The following NLK variants were observed in gnomAD, a reference collection of about 807,000 sequenced individuals.
The protein encoded by NLK is nemo like kinase.
NLK carries 11 observed loss-of-function variants against 59.0 expected under a neutral mutation model. That is an observed-to-expected ratio of 0.19 (90% CI 0.12 to 0.31). The LOEUF is 0.31. Among genes scored for constraint, NLK ranks in the 10% least tolerant of loss-of-function variants. The probability of loss-of-function intolerance (pLI) is 1.00; values close to 1 mark genes in which losing one functional copy is unlikely to be tolerated. For synonymous variants in NLK, 235 were observed against 235.9 expected, an observed-to-expected ratio of 1.00 and a Z score of 0.03; for missense variants, 410 against 661.1, an observed-to-expected ratio of 0.62 and a Z score of 4.16.
intron 1 of NLK, among the ~76,000 whole-genome samples, chr17:28,087,134 A>G (rs1336346792): frequency 6.6e-6 from 1 of 152,064 alleles, no homozygotes; most frequent in Non-Finnish European, 1.5e-5. Context: ...TTGCTGTTAG[A>G]TGGACAAAAT....
rs541686602 is a variant in NLK, at chr17:28,188,330, T to A, written c.1237-2691T>A. 6.8e-4 allele frequency among the ~76,000 whole-genome samples: 104 copies of A among 152,372 alleles called. 2 individuals are homozygous for A. The highest frequency in any genetic ancestry group is 7.3e-5 in the Non-Finnish European group (5 of 68,034). On this transcript the variant is annotated intron_variant, in intron 8 of 10. Coordinates refer to ENST00000407008, the MANE Select transcript of NLK (RefSeq NM_016231.5). ...CTTTGTTACAGAACTATTTTTAAAT[T>A]AGCCTGATGCTTTATTAGCTTTTGA...
intron 7 of NLK, among the ~76,000 whole-genome samples, chr17:28,174,248 G>A (rs944735548): frequency 2.6e-5 from 4 of 152,214 alleles, no homozygotes; most frequent in Non-Finnish European, 4.4e-5. Flanking sequence ...AAAAGAAGAG[G>A]AAAGGAAAAT....
In NLK at chr17:28,196,068, T is replaced by C. The variant is rs1909475159; in HGVS notation, c.*1432T>C. The C allele has an allele frequency of 6.6e-6, 1 of 152,656 alleles. No homozygotes were observed. Among genetic ancestry groups the C allele is most frequent in the Non-Finnish European group, 1.5e-5 (1 of 68,030 alleles). The allele number at this position is 152,656 out of a possible 1,614,324, so 9.5% of individuals were successfully genotyped here. On this transcript the variant is annotated 3_prime_UTR_variant, in exon 11 of 11. Coordinates refer to ENST00000407008, the MANE Select transcript of NLK (RefSeq NM_016231.5). ...CTGAGCTGAATTTGAAGACTATTAA[T>C]AAGTTATGTTTGGAAGTTTTAACTT...
intron 1 of NLK, among the ~76,000 whole-genome samples, chr17:28,051,037 A>G (rs1909233668): frequency 6.7e-6 from 1 of 149,696 alleles, no homozygotes; most frequent in African/African-American, 2.5e-5. Flanking sequence ...CTGATATCAC[A>G]CCACTGCACT....
At chr17:28,075,049 A>T (rs1165608733) in intron 1 of NLK, among the ~76,000 whole-genome samples, 1 of 152,262 alleles carries the variant, frequency 6.6e-6, no homozygotes, top group Non-Finnish European at 1.5e-5. Context: ...ACATAAAATA[A>T]TGGCACATTT....
At chr17:28,069,586 AG>A (rs1241458973) in intron 1 of NLK, among the ~76,000 whole-genome samples, 4 of 152,196 alleles carry the variant, frequency 2.6e-5, no homozygotes, top group African/African-American at 9.6e-5. Flanking sequence ...GTGGGTGTGA[AG>A]TAGTATCTCA....
chr17:28,144,396 C>CAAAAAAAA (rs984366292), intron 3 of NLK, among the ~76,000 whole-genome samples: 1 of 81,588 alleles, frequency 1.2e-5, no homozygotes, highest in Non-Finnish European at 2.8e-5. Context: ...CAGGTGAAGC[C>CAAAAAAAA]AAAAAAAAAA....
At chr17:28,145,081 AAAAATTACACGTTTAATTGAT>A (rs1260858089) in intron 3 of NLK, among the ~76,000 whole-genome samples, 2 of 152,198 alleles carry the variant, frequency 1.3e-5, no homozygotes, top group Non-Finnish European at 2.9e-5. Context: ...CAGTGGGTTT[AAAAATTACACGTTTAATTGAT>A]AGTTTACATC....
intron 2 of NLK, among the ~76,000 whole-genome samples, chr17:28,131,049 A>G (rs922630584): frequency 1.3e-5 from 2 of 152,286 alleles, no homozygotes; most frequent in Non-Finnish European, 2.9e-5. Flanking sequence ...ACTATTTAAA[A>G]GCCTCCAACT....
rs374156839 is a variant in NLK at position 28,095,770 on chromosome 17, A to C, written c.459-26833A>C. ...CAAAAGAAAATCTGCATCAATCCTT[A>C]AAGTTACATTTAAAATTTACATTAA... On this transcript the variant is annotated intron_variant, in intron 1 of 10. Transcript: ENST00000407008. 4.0e-4 allele frequency among the ~76,000 whole-genome samples: 61 copies of C among 152,342 alleles called. 1 individual carries two copies. Among genetic ancestry groups the C allele is most frequent in the African/African-American group, 1.4e-3 (58 of 41,590 alleles).
At chr17:28,108,643 G>A (rs148367493) in intron 1 of NLK, among the ~76,000 whole-genome samples, 119 of 152,244 alleles carry the variant, frequency 7.8e-4, no homozygotes, top group Non-Finnish European at 1.6e-3. Context: ...AATGTTCTGT[G>A]TATATGTGAA....
At chr17:28,085,866 C>T (rs1216310252) in intron 1 of NLK, among the ~76,000 whole-genome samples, 3 of 152,152 alleles carry the variant, frequency 2.0e-5, no homozygotes, top group Non-Finnish European at 4.4e-5. Context: ...AAATTTGTCA[C>T]AGTAACATGC....
intron 2 of NLK, among the ~76,000 whole-genome samples, chr17:28,127,096 A>T (rs1173909296): frequency 6.6e-6 from 1 of 152,164 alleles, no homozygotes; most frequent in African/African-American, 2.4e-5. Flanking sequence ...CAAGTCTTGG[A>T]CATTTTTCTT....
intron 1 of NLK, among the ~76,000 whole-genome samples, chr17:28,090,611 C>T (rs1904458176): frequency 6.6e-6 from 1 of 151,880 alleles, no homozygotes; most frequent in South Asian, 2.1e-4. Context: ...AATCCCAACA[C>T]TTTGGGAGGC....
At chr17:28,199,611 A>T (rs752946313), downstream of NLK, among the ~76,000 whole-genome samples, 3 of 142,162 alleles carry the variant, frequency 2.1e-5, no homozygotes, top group Non-Finnish European at 4.6e-5. Context: ...GGTTGCAGTG[A>T]TCCGAGGTGG....
chr17:28,046,309 G>T (rs922876692), intron 1 of NLK, among the ~76,000 whole-genome samples: 2 of 152,186 alleles, frequency 1.3e-5, no homozygotes, highest in Non-Finnish European at 2.9e-5. Flanking sequence ...TCATTAGCTT[G>T]CTGGTAAGGA....
At chr17:28,066,417 A>G (rs1349439706) in intron 1 of NLK, among the ~76,000 whole-genome samples, 1 of 152,228 alleles carries the variant, frequency 6.6e-6, no homozygotes, top group Non-Finnish European at 1.5e-5. Flanking sequence ...TACCAAATCC[A>G]GTGGGCACAT....
intron 1 of NLK, among the ~76,000 whole-genome samples, chr17:28,077,398 G>A (rs748824096): frequency 6.6e-6 from 1 of 151,938 alleles, no homozygotes; most frequent in Non-Finnish European, 1.5e-5. Flanking sequence ...TCACTACCAC[G>A]AGAACAGTAT....
chr17:28,186,773 G>A (rs1289851605), intron 8 of NLK, among the ~76,000 whole-genome samples: 3 of 152,126 alleles, frequency 2.0e-5, no homozygotes, highest in Non-Finnish European at 4.4e-5. Context: ...GGTCCCTCCC[G>A]TAGCATGTGG....
Sources: gnomAD v4.1 joint callset for allele counts (sites outside exome capture counted in the v4.1 genomes callset) on GRCh38, gnomAD v4.1.1 for gene constraint, MANE v1.5 for transcripts, NCBI Gene and HGNC (gene_info 2026-07-23, HGNC 2026-07-21) for gene names.